Variants in ADAMTS15 observed in about 807,000 individuals in gnomAD.
ADAMTS15 encodes ADAM metallopeptidase with thrombospondin type 1 motif 15, also known as A disintegrin and metalloproteinase with thrombospondin motifs 15.
ADAMTS15 carries 35 observed loss-of-function variants against 79.1 expected under a neutral mutation model. The observed-to-expected ratio is 0.44, with a 90% CI of 0.34 to 0.59. The LOEUF is 0.59. Ranked by LOEUF, ADAMTS15 falls within the 20% of genes least tolerant of loss-of-function variation. ADAMTS15 has a pLI of 0.02. For synonymous variants in ADAMTS15, 616 were observed against 567.3 expected, an observed-to-expected ratio of 1.09 and a Z score of -1.22; for missense variants, 1,324 against 1,318.7, an observed-to-expected ratio of 1.00 and a Z score of -0.06.
At position 130,473,751 on chromosome 11, in the gene ADAMTS15, T is replaced by A. The variant is rs1235345090; in HGVS notation, c.2783T>A (p.Leu928Gln). Residue 928 changes from leucine (L) to glutamine (Q), a missense_variant, in exon 8 of 8, where the codon CTG (leucine) becomes CAG (glutamine). Coordinates refer to ENST00000299164, the MANE Select transcript of ADAMTS15 (RefSeq NM_139055.4). ...LKCVGHGGRL[L>Q]ARDQCNLHRK... ...TGTGTGGGCCACGGAGGCCGGCTGC[T>A]GGCCCGGGACCAGTGCAACTTGCAC... The A allele has an allele frequency of 3.8e-6, 6 of 1,599,322 alleles. No individual in the cohort carries two copies. The highest frequency in any genetic ancestry group is 3.3e-4 in the Middle Eastern group (2 of 6,080).
At chr11:130,453,192 A>G (rs1470591216) in intron 1 of ADAMTS15, among the ~76,000 whole-genome samples, 1 of 150,800 alleles carries the variant, frequency 6.6e-6, no homozygotes, top group Non-Finnish European at 1.5e-5. Context: ...GGGGCTGGGG[A>G]GGGGAGCTTG....
rs543059162 is a variant in ADAMTS15, at chr11:130,449,895, G to A, written c.922G>A (p.Glu308Lys). 109 of 1,600,818 alleles carry A rather than the reference G, an allele frequency of 6.8e-5. No homozygotes were observed. In the South Asian group the frequency reaches 9.2e-4, roughly 14 times the overall value. ...KLNKVSDKHP[E>K]YWDTAILFTR... is the part of the protein sequence containing the mutation. ...GAACAAAGTGAGTGACAAGCACCCC[G>A]AGTACTGGGACACTGCCATCCTCTT... Residue 308 changes from glutamate to lysine, a missense_variant, in exon 1 of 8, where the codon GAG becomes AAG. Physicochemically the swap from Glu to Lys is moderately conservative, Grantham distance 56. Transcript: ENST00000299164. This position sits in a 1 kb window ranked among gnomAD's most constrained non-coding sequence, Gnocchi z 7.8.
Position 130,449,444 on chromosome 11 carries a change from C to T in ADAMTS15, c.471C>T (p.Leu157=). The part of the protein sequence containing the change: ...AQRNSQGAHL[L]QRRGVPGGPS... ...GCAACAGCCAGGGCGCACACCTTCT[C>T]CAGCGCCGGGGTGTTCCGGGCGGGC... Residue 157 remains leucine, a synonymous_variant, in exon 1 of 8, where the codon CTC becomes CTT. Coordinates refer to ENST00000299164, the MANE Select transcript of ADAMTS15 (RefSeq NM_139055.4). The surrounding 1 kb of genome is among the most constrained non-coding windows in gnomAD (Gnocchi z 7.8). The T allele has an allele frequency of 1.3e-6, 2 of 1,588,072 alleles. No homozygotes were observed. Among genetic ancestry groups the T allele is most frequent in the Non-Finnish European group, 1.7e-6 (2 of 1,170,968 alleles).
intron 1 of ADAMTS15, among the ~76,000 whole-genome samples, chr11:130,456,192 C>T (rs947730247): frequency 7.9e-5 from 12 of 152,168 alleles, no homozygotes; most frequent in Admixed American, 1.3e-4. Context: ...ATAAAACTCT[C>T]GCGACAGTCT....
At chr11:130,464,080 C>G (rs1938256622) in intron 4 of ADAMTS15, among the ~76,000 whole-genome samples, 1 of 150,652 alleles carries the variant, frequency 6.6e-6, no homozygotes, top group African/African-American at 2.4e-5. Flanking sequence ...TAGATGAGGG[C>G]TCTATGGGAA....
chr11:130,451,579 A>G (rs1937961516), intron 1 of ADAMTS15, among the ~76,000 whole-genome samples: 1 of 152,172 alleles, frequency 6.6e-6, no homozygotes, highest in South Asian at 2.1e-4. Flanking sequence ...CTGGGGCTTG[A>G]AAAAAAGCAA....
chr11:130,469,116 GT>G (rs1406068650), intron 4 of ADAMTS15, 145 bp from the exon 5 acceptor site: 2 of 833,200 alleles, frequency 2.4e-6, no homozygotes, highest in Non-Finnish European at 1.6e-6. Flanking sequence ...TTTGTTTATT[GT>G]TTTTTCCTTC....
At position 130,471,135 on chromosome 11, in the gene ADAMTS15, G is replaced by A. The variant is rs899717363; in HGVS notation, c.1902+34G>A. The stretch of plus-strand genomic sequence containing the variant: ...GCCTGGGGCCTGAGAACAAAGTAGG[G>A]ACCAGGTCTTCCGGGGAGCATCAGC... On this transcript the variant is annotated intron_variant, in intron 6 of 7. Coordinates refer to ENST00000299164, the MANE Select transcript of ADAMTS15 (RefSeq NM_139055.4). 2.5e-6 allele frequency: 4 copies of A among 1,599,164 alleles called. No individual in the cohort carries two copies. The African/African-American group carries it at 4.0e-5, about 16-fold the overall frequency.
intron 5 of ADAMTS15, among the ~76,000 whole-genome samples, 177 bp from the exon 6 acceptor site, chr11:130,470,743 G>A (rs144287494): frequency 2.6e-5 from 4 of 152,194 alleles, no homozygotes; most frequent in Admixed American, 6.5e-5. Context: ...TTTCATCTGC[G>A]CCCTGGGTCC....
intron 1 of ADAMTS15, among the ~76,000 whole-genome samples, chr11:130,458,773 A>C (rs534031908): frequency 6.6e-6 from 1 of 152,292 alleles, no homozygotes; most frequent in South Asian, 2.1e-4. Context: ...GTGAGTGTGC[A>C]GGGCAGCCCA....
chr11:130,450,019 C>G, intron 1 of ADAMTS15, 89 bp downstream of exon 1: 2 of 1,529,700 alleles, frequency 1.3e-6, no homozygotes, highest in Non-Finnish European at 8.8e-7. Flanking sequence ...TTGTATCGTG[C>G]AATGCCTCCG....
intron 7 of ADAMTS15, 79 bp downstream of exon 7, chr11:130,471,462 T>C (rs1938457304): frequency 6.6e-7 from 1 of 1,512,232 alleles, no homozygotes; most frequent in Non-Finnish European, 8.8e-7. Flanking sequence ...GAAGCTTGGG[T>C]TAGACTGGGG....
At chr11:130,465,179 C>G (rs541003270) in intron 4 of ADAMTS15, among the ~76,000 whole-genome samples, 5 of 152,120 alleles carry the variant, frequency 3.3e-5, no homozygotes, top group South Asian at 4.2e-4. Context: ...CACTGATGAC[C>G]TTTCTTCTCA....
chr11:130,470,783 G>C (rs1359800576), intron 5 of ADAMTS15, 137 bp from the exon 6 acceptor site: 1 of 972,458 alleles, frequency 1.0e-6, no homozygotes, highest in Non-Finnish European at 1.5e-6. Flanking sequence ...AGTGCTTTCA[G>C]ATGGGGGGAG....
chr11:130,449,503 C>T lies in ADAMTS15; in HGVS notation c.530C>T (p.Ala177Val), dbSNP rs372042079. The change falls in exon 1 of 8, where the codon GCC (alanine) becomes GTC (valine). Residue 177 changes from alanine to valine, a missense_variant. Physicochemically the swap from Ala to Val is moderately conservative, Grantham distance 64 (BLOSUM62 0). Transcript: ENST00000299164. The surrounding 1 kb of genome is among the most constrained non-coding windows in gnomAD (Gnocchi z 7.8). ...SGDPTSRCGV[A>V]SGWNPAILRA... Reference sequence around the variant, plus strand: ...GACCCCACCTCTCGCTGCGGGGTGGCCTCGGGCTGGAACCCCGCCATCCTA... The same window carrying T: ...GACCCCACCTCTCGCTGCGGGGTGGTCTCGGGCTGGAACCCCGCCATCCTA... 7.7e-6 allele frequency: 12 copies of T among 1,555,472 alleles called. No individual in the cohort carries two copies. Among genetic ancestry groups the T allele is most frequent in the Non-Finnish European group, 1.0e-5 (12 of 1,152,926 alleles).
chr11:130,458,337 G>A (rs1014440059), intron 1 of ADAMTS15, among the ~76,000 whole-genome samples: 1 of 152,202 alleles, frequency 6.6e-6, no homozygotes, highest in Non-Finnish European at 1.5e-5. Flanking sequence ...TAGGATTACA[G>A]GCCCGAGCCA....
At chr11:130,470,134 A>ATGTGTATATATATATATATGTG (rs1491500152) in intron 5 of ADAMTS15, among the ~76,000 whole-genome samples, 5 of 71,026 alleles carry the variant, frequency 7.0e-5, no homozygotes, top group African/African-American at 3.5e-4. Context: ...ATATATATAC[A>ATGTGTATATATATATATATGTG]TATATATATA....
intron 5 of ADAMTS15, among the ~76,000 whole-genome samples, chr11:130,470,158 A>ATATATATATATATATATATG (rs1565397659): frequency 2.0e-5 from 1 of 50,038 alleles, no homozygotes; most frequent in African/African-American, 1.1e-4. Flanking sequence ...ATATGTGTAT[A>ATATATATATATATATATATG]TATATATATA....
rs947021803 is a variant in ADAMTS15, at chr11:130,472,262, G to A, written c.2079-785G>A. Reference sequence around the variant, plus strand: ...CCTTGACTGTGCCCCTGGACACGTCGCCCTCTCCTGAGCCCCTGGGTGGTG... The same window carrying A: ...CCTTGACTGTGCCCCTGGACACGTCACCCTCTCCTGAGCCCCTGGGTGGTG... On this transcript the variant is annotated intron_variant, in intron 7 of 7. Transcript: ENST00000299164. The surrounding 1 kb of genome is among the most constrained non-coding windows in gnomAD (Gnocchi z 4.7). Among the ~76,000 whole-genome samples the A allele has an allele frequency of 2.0e-5, 3 of 152,280 alleles. No homozygotes were observed. The highest frequency in any genetic ancestry group is 6.5e-5 in the Admixed American group (1 of 15,304).
Sources: gnomAD v4.1 joint callset for allele counts (sites outside exome capture counted in the v4.1 genomes callset) on GRCh38, gnomAD v4.1.1 for gene constraint, Gnocchi (gnomAD v3.1) non-coding constraint, MANE v1.5 for transcripts, NCBI Gene and HGNC (gene_info 2026-07-23, HGNC 2026-07-21) for gene names.